Variants in MTMR14 observed in about 807,000 individuals in gnomAD.
The protein encoded by MTMR14 is phosphatidylinositol-3,5-bisphosphate 3-phosphatase MTMR14.
A neutral mutation model predicts 86.3 loss-of-function variants in MTMR14; 48 were observed. That is an observed-to-expected ratio of 0.56 (90% CI 0.44 to 0.71). The LOEUF is 0.71. MTMR14 is among the 30% of genes least tolerant of loss of function. The pLI is 0.00. For missense variants in MTMR14, 780 were observed against 834.6 expected, an observed-to-expected ratio of 0.93 and a Z score of 0.81; for synonymous variants, 366 against 326.1, an observed-to-expected ratio of 1.12 and a Z score of -1.32.
chr3:9,697,592 C>A, intron 17 of MTMR14, 119 bp from the exon 18 acceptor site: 1 of 1,131,216 alleles, frequency 8.8e-7, no homozygotes, highest in Non-Finnish European at 1.3e-6. Flanking sequence ...CTTTTGGAGA[C>A]AGTGATTGAC....
chr3:9,665,537 A>G (rs1489966471), intron 3 of MTMR14, among the ~76,000 whole-genome samples: 4 of 152,104 alleles, frequency 2.6e-5, no homozygotes, highest in Non-Finnish European at 5.9e-5. Flanking sequence ...TATGTTCACC[A>G]TTTGGGTGAT....
At chr3:9,676,936 GGCTGCAGTGGCTCACGTTGTGAGTCAT>G (rs2075600897) in intron 7 of MTMR14, among the ~76,000 whole-genome samples, 1 of 152,232 alleles carries the variant, frequency 6.6e-6, no homozygotes, top group Non-Finnish European at 1.5e-5. Flanking sequence ...TCTGCAGCTA[GGCTGCAGTGGCTCACGTTGTGAGTCAT>G]GCCTTTGTTT....
In MTMR14 at chr3:9,690,095, A is replaced by G; in HGVS notation, c.1565A>G (p.Asp522Gly). ...SSSSSSSNHSDNFFRMGSSPL... is the reference protein window; with the variant it reads ...SSSSSSSNHSGNFFRMGSSPL... ...AGCTCCTCTTCCTCAAACCATTCTGATAACTTTTTCAGGATGGGTAGCAGT... is the reference window on the plus strand; with the variant it reads ...AGCTCCTCTTCCTCAAACCATTCTGGTAACTTTTTCAGGATGGGTAGCAGT... The change falls in exon 17 of 19, where the codon GAT becomes GGT. Residue 522 changes from aspartate to glycine, a missense_variant. By Grantham distance (94) the Asp-to-Gly change is moderately conservative. Transcript: ENST00000296003. 1 of 1,613,706 alleles carries G rather than the reference A, an allele frequency of 6.2e-7. No individual in the cohort carries two copies. Among genetic ancestry groups the G allele is most frequent in the Non-Finnish European group, 8.5e-7 (1 of 1,180,008 alleles).
At chr3:9,681,373 G>C (rs944240469) in intron 9 of MTMR14, among the ~76,000 whole-genome samples, 7 of 152,180 alleles carry the variant, frequency 4.6e-5, no homozygotes, top group Non-Finnish European at 8.8e-5. Context: ...ATTCTGCAAT[G>C]ACCTCCTAGT....
At chr3:9,672,480 G>A (rs552901132) in intron 6 of MTMR14, among the ~76,000 whole-genome samples, 2 of 152,220 alleles carry the variant, frequency 1.3e-5, no homozygotes, top group South Asian at 2.1e-4. Flanking sequence ...TCTCCATGTT[G>A]GGAACATGAC....
chr3:9,701,428 T>G lies in MTMR14; in HGVS notation c.1770-362T>G. On this transcript the variant is annotated intron_variant, in intron 18 of 18. Transcript: ENST00000296003. The surrounding 1 kb of genome is among the most constrained non-coding windows in gnomAD (Gnocchi z 4.2). Reference sequence around the variant, plus strand: ...GCATGTGCCTGTAGTCCCAGCTACTTGAGGGGCTGAGGTGGGAGGATGGCT... The same window carrying G: ...GCATGTGCCTGTAGTCCCAGCTACTGGAGGGGCTGAGGTGGGAGGATGGCT... 3.1e-6 allele frequency: 1 copy of G among 318,488 alleles called. No homozygotes were observed. The highest frequency in any genetic ancestry group is 6.0e-6 in the Non-Finnish European group (1 of 166,800). The allele number at this position is 318,488 out of a possible 1,614,324, so 19.7% of individuals were successfully genotyped here.
intron 13 of MTMR14, among the ~76,000 whole-genome samples, chr3:9,685,669 G>A (rs2075920086): frequency 6.6e-6 from 1 of 152,052 alleles, no homozygotes; most frequent in Non-Finnish European, 1.5e-5. Context: ...TCAATGTCAG[G>A]GTGCCCGGCA....
intron 9 of MTMR14, among the ~76,000 whole-genome samples, chr3:9,679,861 A>T (rs980765900): frequency 2.0e-5 from 3 of 152,152 alleles, no homozygotes; most frequent in Admixed American, 1.3e-4. Context: ...GCAGGGCTGG[A>T]GTGTAGCAGG....
At chr3:9,651,174 TTAC>T (rs2047265297) in intron 1 of MTMR14, among the ~76,000 whole-genome samples, 1 of 152,126 alleles carries the variant, frequency 6.6e-6, no homozygotes, top group African/African-American at 2.4e-5. Context: ...CAACCATGAC[TTAC>T]TGCAGCCTCG....
At chr3:9,658,092 T>C (rs910849141) in intron 2 of MTMR14, among the ~76,000 whole-genome samples, 1 of 152,152 alleles carries the variant, frequency 6.6e-6, no homozygotes, top group Non-Finnish European at 1.5e-5. Context: ...TACTTTTCAC[T>C]CCTTGCAAGG....
At chr3:9,694,502 TTGGATGGATGGATGGA>T (rs60351585) in intron 17 of MTMR14, among the ~76,000 whole-genome samples, 23 of 151,838 alleles carry the variant, frequency 1.5e-4, no homozygotes, top group Admixed American at 2.6e-4. Context: ...GATAGATAGA[TTGGATGGATGGATGGA>T]TGGATGGATG....
At chr3:9,688,647 T>G in intron 14 of MTMR14, 49 bp from the exon 15 acceptor site, 2 of 1,608,592 alleles carry the variant, frequency 1.2e-6, no homozygotes, top group East Asian at 4.5e-5. Flanking sequence ...GGGGACACAA[T>G]AAGACCCCAG....
intron 2 of MTMR14, chr3:9,659,600 C>T (rs1173251385): frequency 2.2e-5 from 9 of 416,562 alleles, no homozygotes; most frequent in Middle Eastern, 1.6e-3. Context: ...CGTGCTGCCA[C>T]GCCTGTCTAA....
At chr3:9,663,544 T>G (rs1365946180) in intron 3 of MTMR14, among the ~76,000 whole-genome samples, 80 of 138,632 alleles carry the variant, frequency 5.8e-4, no homozygotes, top group African/African-American at 2.1e-3. Context: ...GCAGACATCT[T>G]GCTCTGCTGC....
chr3:9,651,388 C>T lies in MTMR14; in HGVS notation c.159+1646C>T, dbSNP rs192010831. ...AAAATGCTGGGATTACAGGCGTGAG[C>T]CGCCACACCTGGCCAGTAAGGGTCT... On this transcript the variant is annotated intron_variant, in intron 1 of 18. Transcript: ENST00000296003. Among the ~76,000 whole-genome samples, 820 of 152,270 alleles carry T rather than the reference C, an allele frequency of 5.4e-3. 3 individuals are homozygous for T. Among genetic ancestry groups the T allele is most frequent in the African/African-American group, 0.018 (733 of 41,562 alleles).
intron 6 of MTMR14, among the ~76,000 whole-genome samples, chr3:9,671,648 G>A (rs1367568869): frequency 2.0e-5 from 3 of 150,252 alleles, no homozygotes; most frequent in African/African-American, 7.5e-5. Flanking sequence ...CACTGTGCCT[G>A]GTCCTAGAAT....
chr3:9,679,356 T>C (rs1250480572), intron 9 of MTMR14, among the ~76,000 whole-genome samples: 1 of 152,208 alleles, frequency 6.6e-6, no homozygotes, highest in East Asian at 1.9e-4. Flanking sequence ...ACTGAGTAGA[T>C]AAAAGAACCG....
At chr3:9,650,540 A>C in intron 1 of MTMR14, 1 of 353,130 alleles carries the variant, frequency 2.8e-6, no homozygotes, top group Non-Finnish European at 5.8e-6. Context: ...GTGAGTTGCT[A>C]TTCTGTAGTT....
chr3:9,688,804 G>T, intron 15 of MTMR14, 50 bp downstream of exon 15: 1 of 1,610,036 alleles, frequency 6.2e-7, no homozygotes, highest in Admixed American at 1.7e-5. Flanking sequence ...ATCTTCCCGT[G>T]TACAGATCAG....
Sources: allele counts gnomAD v4.1 joint callset (sites outside exome capture counted in the v4.1 genomes callset), GRCh38; gene constraint gnomAD v4.1.1; non-coding constraint Gnocchi (gnomAD v3.1); transcripts MANE v1.5; gene names NCBI Gene and HGNC (gene_info 2026-07-23, HGNC 2026-07-21).